DAOA: variants seen among roughly 807,000 people sequenced by gnomAD.
The protein encoded by DAOA is D-amino acid oxidase activator.
Under a neutral mutation model 16.4 loss-of-function variants are expected in DAOA, and 15 were observed. The ratio of observed to expected loss-of-function variants is 0.91; its 90% CI spans 0.61 to 1.41. DAOA has a LOEUF of 1.41. Ranked by LOEUF, DAOA falls within the 40% of genes most tolerant of loss-of-function variation. The probability of loss-of-function intolerance (pLI) is 0.00; values close to 1 mark genes in which losing one functional copy is unlikely to be tolerated. For missense variants in DAOA, 230 were observed against 176.8 expected, an observed-to-expected ratio of 1.30 and a Z score of -1.71; for synonymous variants, 75 against 59.1, an observed-to-expected ratio of 1.27 and a Z score of -1.23.
At chr13:105,483,454 C>T (rs955730330) in intron 4 of DAOA, among the ~76,000 whole-genome samples, 1 of 152,150 alleles carries the variant, frequency 6.6e-6, no homozygotes, top group Non-Finnish European at 1.5e-5. Flanking sequence ...AGTAATTTAA[C>T]CATTTTGCAT....
intron 4 of DAOA, among the ~76,000 whole-genome samples, chr13:105,484,814 T>C (rs1229722119): frequency 6.6e-6 from 1 of 152,162 alleles, no homozygotes; most frequent in African/African-American, 2.4e-5. Flanking sequence ...GCCTTACTAC[T>C]ATGAATTCAA....
intron 4 of DAOA, among the ~76,000 whole-genome samples, chr13:105,476,483 AC>A (rs1877339425): frequency 6.7e-6 from 1 of 148,384 alleles, no homozygotes. Flanking sequence ...GTTCACTTGT[AC>A]CAAAAAACAT....
At chr13:105,478,287 T>C (rs1320776503) in intron 4 of DAOA, among the ~76,000 whole-genome samples, 1 of 152,218 alleles carries the variant, frequency 6.6e-6, no homozygotes, top group African/African-American at 2.4e-5. Context: ...TTTCTTTAAT[T>C]AGAGGATTTC....
chr13:105,475,502 C>T (rs932160212), intron 4 of DAOA, among the ~76,000 whole-genome samples: 3 of 146,016 alleles, frequency 2.1e-5, no homozygotes, highest in African/African-American at 2.8e-5. Context: ...AGAGGAGTTA[C>T]GTTTTATGAG....
intron 3 of DAOA, among the ~76,000 whole-genome samples, chr13:105,470,950 C>T (rs981051549): frequency 1.3e-5 from 2 of 152,146 alleles, no homozygotes; most frequent in African/African-American, 4.8e-5. Flanking sequence ...ACCACCAAGC[C>T]TGGCTAATTT....
chr13:105,483,739 CTTATA>C (rs1877913939), intron 4 of DAOA, among the ~76,000 whole-genome samples: 1 of 151,592 alleles, frequency 6.6e-6, no homozygotes, highest in Non-Finnish European at 1.5e-5. Flanking sequence ...GGATACAAAT[CTTATA>C]TTAGATATAA....
chr13:105,467,141 G>C lies in DAOA; in HGVS notation c.133G>C (p.Ala45Pro). The C allele has an allele frequency of 6.2e-7, 1 of 1,602,970 alleles. No individual in the cohort carries two copies. Among genetic ancestry groups the C allele is most frequent in the Non-Finnish European group, 8.5e-7 (1 of 1,173,982 alleles). Residue 45 changes from alanine (A) to proline (P), a missense_variant and splice_region_variant, in exon 3 of 6, where the codon GCA becomes CCA. Ala to Pro is a conservative substitution (Grantham distance 27). Coordinates refer to ENST00000375936, the MANE Select transcript of DAOA (RefSeq NM_172370.5). ...SKSENSLNSI[A>P]KETEEGRETV... is the part of the protein sequence containing the mutation. Reference sequence around the variant, plus strand: ...ATCTGAAAACTCTCTAAACTCTATTGGTATGTTACTCTTTATCTTTATATG... The same window carrying C: ...ATCTGAAAACTCTCTAAACTCTATTCGTATGTTACTCTTTATCTTTATATG...
chr13:105,489,485 AT>A (rs935546858), intron 4 of DAOA, among the ~76,000 whole-genome samples: 10 of 152,270 alleles, frequency 6.6e-5, no homozygotes, highest in African/African-American at 2.4e-4. Flanking sequence ...GTATATCTGT[AT>A]TTTTAAATTA....
chr13:105,473,898 G>A (rs1206462474), intron 4 of DAOA, among the ~76,000 whole-genome samples: 1 of 152,038 alleles, frequency 6.6e-6, no homozygotes, highest in East Asian at 1.9e-4. Context: ...TCTCTAAAAG[G>A]AAGCTAAATT....
upstream of DAOA, chr13:105,466,036 G>T (rs886313032): frequency 1.0e-4 from 42 of 401,502 alleles, no homozygotes; most frequent in African/African-American, 8.4e-4. Flanking sequence ...AAGCCAGAAA[G>T]TAGAGTGAAG....
At chr13:105,482,967 A>G (rs9301032) in intron 4 of DAOA, among the ~76,000 whole-genome samples, 4,660 of 152,228 alleles carry the variant, frequency 0.031, 250 homozygotes, top group African/African-American at 0.11. Context: ...TACCACGGTA[A>G]TGTTTACCAC....
chr13:105,485,842 T>C (rs1285140976), intron 4 of DAOA, among the ~76,000 whole-genome samples: 1 of 152,170 alleles, frequency 6.6e-6, no homozygotes, highest in East Asian at 1.9e-4. Flanking sequence ...GAGAAGGACA[T>C]TGAACAGATT....
intron 4 of DAOA, among the ~76,000 whole-genome samples, chr13:105,483,842 T>C (rs1877920695): frequency 6.6e-6 from 1 of 152,116 alleles, no homozygotes; most frequent in Non-Finnish European, 1.5e-5. Context: ...CTCTTTTTCA[T>C]TTCTTTGTTA....
chr13:105,479,890 T>C (rs9586863), intron 4 of DAOA, among the ~76,000 whole-genome samples: 13,161 of 152,198 alleles, frequency 0.086, 883 homozygotes, highest in African/African-American at 0.18. Context: ...TCAGAGTCTC[T>C]GCCATTTAAA....
intron 5 of DAOA, 166 bp from the exon 6 acceptor site, chr13:105,490,746 A>C (rs969911157): frequency 5.9e-5 from 9 of 152,170 alleles, no homozygotes; most frequent in African/African-American, 2.2e-4. Flanking sequence ...TTTATAATTC[A>C]CTTTCCTTCA....
chr13:105,468,198 A>ACTCTCCAC (rs1297346853), intron 3 of DAOA, among the ~76,000 whole-genome samples: 1 of 151,968 alleles, frequency 6.6e-6, no homozygotes, highest in African/African-American at 2.4e-5. Flanking sequence ...AACCGAGGTC[A>ACTCTCCAC]CTCTCCACCT....
chr13:105,486,035 C>T (rs1041896794), intron 4 of DAOA, among the ~76,000 whole-genome samples: 1 of 152,150 alleles, frequency 6.6e-6, no homozygotes, highest in Non-Finnish European at 1.5e-5. Context: ...CTCCTATGTG[C>T]CACCTGGTAT....
At chr13:105,472,372 A>G (rs1166103773) in intron 3 of DAOA, among the ~76,000 whole-genome samples, 166 bp from the exon 4 acceptor site, 2 of 152,176 alleles carry the variant, frequency 1.3e-5, no homozygotes, top group African/African-American at 2.4e-5. Flanking sequence ...CAATCAACAG[A>G]TGACATTTGA....
At chr13:105,487,788 A>G (rs1273311857) in intron 4 of DAOA, among the ~76,000 whole-genome samples, 1 of 152,226 alleles carries the variant, frequency 6.6e-6, no homozygotes, top group Non-Finnish European at 1.5e-5. Context: ...TAAAATATTT[A>G]TAGAAAATTG....
Sources: allele counts gnomAD v4.1 joint callset (sites outside exome capture counted in the v4.1 genomes callset), GRCh38; gene constraint gnomAD v4.1.1; transcripts MANE v1.5; gene names NCBI Gene and HGNC (gene_info 2026-07-23, HGNC 2026-07-21).